XRRA1: variants seen among roughly 807,000 people sequenced by gnomAD.
The protein encoded by XRRA1 is X-ray radiation resistance associated 1.
In XRRA1, 69 loss-of-function variants were observed where a neutral mutation model predicts 80.2. The observed-to-expected ratio is 0.86, with a 90% CI of 0.71 to 1.05. The LOEUF (loss-of-function observed/expected upper bound fraction) is 1.05. Among genes scored for constraint, XRRA1 ranks in the 50% least tolerant of loss-of-function variants. The pLI, the probability that XRRA1 is intolerant of heterozygous loss-of-function variation, is 0.00. For synonymous variants in XRRA1, 348 were observed against 389.9 expected, an observed-to-expected ratio of 0.89 and a Z score of 1.27; for missense variants, 967 against 976.4, an observed-to-expected ratio of 0.99 and a Z score of 0.13.
In XRRA1 at chr11:74,933,494, G is replaced by A. The variant is rs150481420; in HGVS notation, c.351+307C>T. 3.7e-4 allele frequency: 76 copies of A among 202,686 alleles called. 1 individual carries two copies. The highest frequency in any genetic ancestry group is 2.1e-3 in the Middle Eastern group (1 of 474). 12.6% of individuals were successfully genotyped at this position (202,686 alleles called of 1,614,324 possible). A position where few individuals can be genotyped will look rare whatever the true frequency, so the allele number is the denominator to read the frequency against. On this transcript the variant is annotated intron_variant, in intron 5 of 18. Transcript: ENST00000684022. Reference sequence around the variant, plus strand: ...GCTGGTCTTGAGCTCCTGACCTTGTGATCCACCCACCTCGGCCTCCCAAAG... The same window carrying A: ...GCTGGTCTTGAGCTCCTGACCTTGTAATCCACCCACCTCGGCCTCCCAAAG...
intron 12 of XRRA1, among the ~76,000 whole-genome samples, chr11:74,857,478 A>G (rs1003760479): frequency 6.6e-6 from 1 of 152,234 alleles, no homozygotes; most frequent in Non-Finnish European, 1.5e-5. Context: ...ACATGGAGTA[A>G]AAGCTGACAG....
At chr11:74,905,619 G>C (rs926497157) in intron 10 of XRRA1, among the ~76,000 whole-genome samples, 1 of 152,074 alleles carries the variant, frequency 6.6e-6, no homozygotes, top group Non-Finnish European at 1.5e-5. Flanking sequence ...GATTTGTTTT[G>C]TTTTTGCTGT....
intron 1 of XRRA1, among the ~76,000 whole-genome samples, chr11:74,946,015 T>A (rs563682720): frequency 2.0e-5 from 3 of 152,170 alleles, no homozygotes; most frequent in African/African-American, 7.2e-5. Context: ...CAGGCTGGAG[T>A]GCAGTGGCAT....
At position 74,864,434 on chromosome 11, in the gene XRRA1, C is replaced by T. The variant is rs986815846; in HGVS notation, c.1004-1413G>A. ...TCCACACCCGCCCACAGTCAAAAGT[C>T]TCTCTGCAGGAGCATCAAGATTCAG... On this transcript the variant is annotated intron_variant, in intron 10 of 18. Coordinates refer to ENST00000684022, the MANE Select transcript of XRRA1 (RefSeq NM_001378157.1). Among the ~76,000 whole-genome samples, 3 of 152,200 alleles carry T rather than the reference C, an allele frequency of 2.0e-5. No homozygotes were observed. In the East Asian group the frequency reaches 5.8e-4, roughly 29 times the overall value.
In XRRA1 at chr11:74,937,747, A is replaced by G. The variant is rs1209233348; in HGVS notation, c.95-679T>C. On this transcript the variant is annotated intron_variant, in intron 3 of 18. Coordinates refer to ENST00000684022, the MANE Select transcript of XRRA1 (RefSeq NM_001378157.1). Reference sequence around the variant, plus strand: ...GGAATCTGTTCTTTCTCGCACCAGCAGTTTACTTGCTGTGTGGTATTCATT... The same window carrying G: ...GGAATCTGTTCTTTCTCGCACCAGCGGTTTACTTGCTGTGTGGTATTCATT... Among the ~76,000 whole-genome samples the G allele has an allele frequency of 6.6e-5, 10 of 152,240 alleles. No individual in the cohort carries two copies. In the East Asian group the frequency reaches 1.9e-3, roughly 29 times the overall value.
intron 12 of XRRA1, among the ~76,000 whole-genome samples, chr11:74,858,755 G>T (rs759174414): frequency 6.6e-6 from 1 of 152,070 alleles, no homozygotes; most frequent in Admixed American, 6.6e-5. Context: ...CAAGTATTAG[G>T]TTAGACACCT....
At chr11:74,919,726 A>C in intron 8 of XRRA1, 1 of 476,430 alleles carries the variant, frequency 2.1e-6, no homozygotes, top group Non-Finnish European at 4.1e-6. Flanking sequence ...TGAGCACTCA[A>C]AGAGATTCGG....
chr11:74,923,302 G>A (rs963842373), intron 7 of XRRA1, among the ~76,000 whole-genome samples: 1 of 152,176 alleles, frequency 6.6e-6, no homozygotes, highest in Non-Finnish European at 1.5e-5. Flanking sequence ...GGCTTGATAG[G>A]ACTAGCCAAG....
chr11:74,849,616 T>C (rs924985649), intron 14 of XRRA1, among the ~76,000 whole-genome samples: 1 of 152,104 alleles, frequency 6.6e-6, no homozygotes, highest in Non-Finnish European at 1.5e-5. Flanking sequence ...GTGAGAGAGA[T>C]GTGCTAGAGG....
At position 74,852,094 on chromosome 11, in the gene XRRA1, G is replaced by A; in HGVS notation, c.1171-12C>T. 6.2e-7 allele frequency: 1 copy of A among 1,610,958 alleles called. No individual in the cohort carries two copies. Among genetic ancestry groups the A allele is most frequent in the Non-Finnish European group, 8.5e-7 (1 of 1,177,156 alleles). On this transcript the variant is annotated splice_polypyrimidine_tract_variant and intron_variant, in intron 12 of 18. Transcript: ENST00000684022. ...TCCTCTTTTGCGATCTGTAATGAAT[G>A]CAGGAGAGACTCTCAGGTTGACACC...
chr11:74,845,113 C>T lies in XRRA1; in HGVS notation c.1887G>A (p.Leu629=). 1 of 1,613,994 alleles carries T rather than the reference C, an allele frequency of 6.2e-7. No individual in the cohort carries two copies. Among genetic ancestry groups the T allele is most frequent in the South Asian group, 1.1e-5 (1 of 91,078 alleles). The change falls in exon 16 of 19, where the codon CTG becomes CTA. Residue 629 remains leucine, a synonymous_variant. Coordinates refer to ENST00000684022, the MANE Select transcript of XRRA1 (RefSeq NM_001378157.1). The part of the protein sequence containing the change: ...LPSKYHGYEE[L]LTAKPDPAFI... ...AGGCTGGATCAGGCTTGGCTGTCAG[C>T]AGTTCTTCATAGCCGTGGTACTTGC...
intron 15 of XRRA1, among the ~76,000 whole-genome samples, chr11:74,846,390 C>G (rs2038170392): frequency 6.6e-6 from 1 of 152,040 alleles, no homozygotes; most frequent in Non-Finnish European, 1.5e-5. Flanking sequence ...GAATTAACAC[C>G]AATACTTCAC....
At chr11:74,856,434 T>TA (rs2041119647) in intron 12 of XRRA1, among the ~76,000 whole-genome samples, 1 of 152,092 alleles carries the variant, frequency 6.6e-6, no homozygotes, top group Non-Finnish European at 1.5e-5. Flanking sequence ...AATCATAACT[T>TA]TTCTTGAGTC....
intron 18 of XRRA1, 42 bp from the exon 19 acceptor site, chr11:74,843,495 G>A (rs1397862331): frequency 1.3e-6 from 2 of 1,589,886 alleles, no homozygotes; most frequent in South Asian, 1.1e-5. Context: ...GCTCATCCTG[G>A]TTCTCACCTA....
At chr11:74,857,637 TC>T (rs1565244824) in intron 12 of XRRA1, among the ~76,000 whole-genome samples, 1 of 152,070 alleles carries the variant, frequency 6.6e-6, no homozygotes, top group African/African-American at 2.4e-5. Context: ...TAGAACACTT[TC>T]CCCCAAAACT....
chr11:74,927,885 C>T (rs931702703), intron 6 of XRRA1, among the ~76,000 whole-genome samples: 3 of 152,204 alleles, frequency 2.0e-5, no homozygotes, highest in South Asian at 2.1e-4. Flanking sequence ...CATCCAGAGA[C>T]AAGTATTAAA....
At chr11:74,873,175 A>G (rs1020076296) in intron 10 of XRRA1, among the ~76,000 whole-genome samples, 2 of 152,152 alleles carry the variant, frequency 1.3e-5, no homozygotes, top group African/African-American at 4.8e-5. Flanking sequence ...ACCAGAGACA[A>G]TATCCCCTAA....
chr11:74,907,319 A>C (rs763454034), intron 8 of XRRA1, 46 bp from the exon 9 acceptor site: 1 of 1,607,646 alleles, frequency 6.2e-7, no homozygotes, highest in East Asian at 2.2e-5. Flanking sequence ...CGAGGGACAA[A>C]TTCCACCATT....
Position 74,936,912 on chromosome 11 carries a change from G to A in XRRA1, c.251C>T (p.Pro84Leu). 6.2e-7 allele frequency: 1 copy of A among 1,613,604 alleles called. No homozygotes were observed. The stretch of plus-strand genomic sequence containing the variant: ...AAAAGCCTGGTCCAGGATATGTCCA[G>A]GAAGGTCCACCTGATTTTCCCGCCG... ...ESRRENQVDLPGHILDQAFLL... is the reference protein window; with the variant it reads ...ESRRENQVDLLGHILDQAFLL... Residue 84 changes from proline (P) to leucine (L), a missense_variant, in exon 4 of 19, where the codon CCT (proline) becomes CTT (leucine). By Grantham distance (98) the Pro-to-Leu change is moderately conservative (BLOSUM62 -3). Coordinates refer to ENST00000684022, the MANE Select transcript of XRRA1 (RefSeq NM_001378157.1).
Sources: gnomAD v4.1 joint callset for allele counts (sites outside exome capture counted in the v4.1 genomes callset) on GRCh38, gnomAD v4.1.1 for gene constraint, MANE v1.5 for transcripts, NCBI Gene and HGNC (gene_info 2026-07-23, HGNC 2026-07-21) for gene names.